The following CPE variants were observed in gnomAD, a reference collection of about 807,000 sequenced individuals.
CPE encodes carbocypeptidase E.
In CPE, 17 loss-of-function variants were observed where a neutral mutation model predicts 53.5. The observed-to-expected ratio is 0.32, with a 90% CI of 0.22 to 0.48. The LOEUF (loss-of-function observed/expected upper bound fraction) is 0.48, where lower values mean the gene tolerates loss of function less well. Ranked by LOEUF, CPE falls within the 20% of genes least tolerant of loss-of-function variation. CPE has a pLI of 0.99. For synonymous variants in CPE, 226 were observed against 228.8 expected, an observed-to-expected ratio of 0.99 and a Z score of 0.11; for missense variants, 524 against 614.7, an observed-to-expected ratio of 0.85 and a Z score of 1.56.
chr4:165,469,555 T>C (rs572471635), intron 3 of CPE, among the ~76,000 whole-genome samples: 1 of 152,322 alleles, frequency 6.6e-6, no homozygotes, highest in Non-Finnish European at 1.5e-5. Context: ...AATTCTCTTG[T>C]CTTTCCTTCC....
intron 1 of CPE, among the ~76,000 whole-genome samples, chr4:165,423,249 G>A (rs1731256979): frequency 6.6e-6 from 1 of 152,126 alleles, no homozygotes; most frequent in South Asian, 2.1e-4. Context: ...ATCGTTTTTA[G>A]GAATAGAATG....
intron 5 of CPE, among the ~76,000 whole-genome samples, chr4:165,486,780 T>TG (rs1420345079): frequency 6.6e-6 from 1 of 152,200 alleles, no homozygotes; most frequent in Non-Finnish European, 1.5e-5. Flanking sequence ...CTGTCCCCTT[T>TG]GGTTTATGTG....
At chr4:165,441,143 C>A (rs572050372) in intron 1 of CPE, among the ~76,000 whole-genome samples, 1 of 152,158 alleles carries the variant, frequency 6.6e-6, no homozygotes, top group East Asian at 1.9e-4. Flanking sequence ...CAGGATGGCC[C>A]CATTTATGAC....
At chr4:165,393,814 C>T (rs955035785) in intron 1 of CPE, among the ~76,000 whole-genome samples, 1 of 152,040 alleles carries the variant, frequency 6.6e-6, no homozygotes, top group Admixed American at 6.6e-5. Context: ...ATGGGTGTGC[C>T]GGAGGCGGAT....
At chr4:165,388,816 A>G (rs1730638101) in intron 1 of CPE, among the ~76,000 whole-genome samples, 1 of 148,680 alleles carries the variant, frequency 6.7e-6, no homozygotes, top group African/African-American at 2.5e-5. Context: ...AAAGTACAAC[A>G]GTCCTATTCA....
chr4:165,412,639 A>G (rs777022779), intron 1 of CPE, among the ~76,000 whole-genome samples: 2 of 152,226 alleles, frequency 1.3e-5, no homozygotes, highest in Non-Finnish European at 1.5e-5. Flanking sequence ...GGCACCACTC[A>G]GTCCTGTCTC....
chr4:165,493,592 G>A (rs781536222), intron 7 of CPE, among the ~76,000 whole-genome samples: 1 of 152,192 alleles, frequency 6.6e-6, no homozygotes, highest in Non-Finnish European at 1.5e-5. Flanking sequence ...AGCTGCTGGA[G>A]TTAAAATACC....
At chr4:165,427,867 T>C (rs904735558) in intron 1 of CPE, among the ~76,000 whole-genome samples, 2 of 137,588 alleles carry the variant, frequency 1.5e-5, no homozygotes, top group Non-Finnish European at 3.2e-5. Flanking sequence ...TTAATTTAGA[T>C]GTAATTTCTT....
chr4:165,398,954 C>A (rs2126660004), intron 1 of CPE, among the ~76,000 whole-genome samples: 1 of 152,268 alleles, frequency 6.6e-6, no homozygotes, highest in East Asian at 1.9e-4. Flanking sequence ...CTAAGAAGTT[C>A]CACTTCAAAT....
chr4:165,402,847 G>A (rs979704738), intron 1 of CPE, among the ~76,000 whole-genome samples: 3 of 152,178 alleles, frequency 2.0e-5, no homozygotes, highest in Non-Finnish European at 4.4e-5. Flanking sequence ...CTCCCCCGAA[G>A]AGGAGTCAAT....
At chr4:165,484,707 C>A in intron 5 of CPE, 103 bp downstream of exon 5, 1 of 1,112,058 alleles carries the variant, frequency 9.0e-7, no homozygotes, top group Non-Finnish European at 1.3e-6. Context: ...CAATCGTCCT[C>A]CATCATTAAA....
At position 165,379,586 on chromosome 4, in the gene CPE, TGGGACTGGTGGCGGTGGGGGAAGGAGGGA is replaced by T; in HGVS notation, c.307+63_307+91del. ...CATCCCGGAGGGGGGCGGCAGAGGGTGGGACTGGTGGCGGTGGGGGAAGGAGGGAGGGATGGGCCCAGGGGTGCCTCTTG... is the reference window on the plus strand; with the variant it reads ...CATCCCGGAGGGGGGCGGCAGAGGGTGGGATGGGCCCAGGGGTGCCTCTTG... On this transcript the variant is annotated intron_variant, in intron 1 of 8. Transcript: ENST00000402744. The surrounding 1 kb of genome is among the most constrained non-coding windows in gnomAD (Gnocchi z 6.0). 1 of 749,414 alleles carries T rather than the reference TGGGACTGGTGGCGGTGGGGGAAGGAGGGA, an allele frequency of 1.3e-6. No homozygotes were observed. The highest frequency in any genetic ancestry group is 1.7e-6 in the Non-Finnish European group (1 of 572,616). 46.4% of individuals were successfully genotyped at this position (749,414 alleles called of 1,614,324 possible).
intron 1 of CPE, among the ~76,000 whole-genome samples, chr4:165,393,281 G>C (rs1730713772): frequency 1.3e-5 from 2 of 152,174 alleles, no homozygotes; most frequent in South Asian, 4.1e-4. Context: ...AGCTGCATTT[G>C]TCTAACACTT....
At chr4:165,391,614 A>C (rs1347543040) in intron 1 of CPE, among the ~76,000 whole-genome samples, 2 of 152,128 alleles carry the variant, frequency 1.3e-5, no homozygotes, top group Non-Finnish European at 2.9e-5. Context: ...TTGGAAATCA[A>C]ACTCTGAGTA....
At chr4:165,461,542 A>G (rs1004030633) in intron 1 of CPE, among the ~76,000 whole-genome samples, 2 of 152,110 alleles carry the variant, frequency 1.3e-5, no homozygotes, top group Non-Finnish European at 2.9e-5. Flanking sequence ...CTTGGGAGGG[A>G]AAAGAGCTGG....
At chr4:165,423,696 G>A (rs1196652875) in intron 1 of CPE, among the ~76,000 whole-genome samples, 2 of 151,356 alleles carry the variant, frequency 1.3e-5, no homozygotes, top group Non-Finnish European at 2.9e-5. Context: ...ACAATGTGCA[G>A]GTTAGTTACA....
At chr4:165,455,877 T>C (rs1187109849) in intron 1 of CPE, among the ~76,000 whole-genome samples, 1 of 152,192 alleles carries the variant, frequency 6.6e-6, no homozygotes, top group Non-Finnish European at 1.5e-5. Context: ...GGTGTGGAAC[T>C]CCTGACCTCA....
chr4:165,475,170 CT>C, intron 3 of CPE, among the ~76,000 whole-genome samples: 1 of 152,252 alleles, frequency 6.6e-6, no homozygotes, highest in Admixed American at 6.5e-5. Context: ...ATTTTCCCTC[CT>C]TTCAAAGGAG....
At position 165,459,141 on chromosome 4, in the gene CPE, T is replaced by G. The variant is rs188448901; in HGVS notation, c.308-5249T>G. On this transcript the variant is annotated intron_variant, in intron 1 of 8. Transcript: ENST00000402744. The stretch of plus-strand genomic sequence containing the variant: ...AAGAGACTTCTTTCTTTAAAGCTGC[T>G]TTTTTACTGATTTAGTTATTTCAAA... Among the ~76,000 whole-genome samples, 155 of 152,352 alleles carry G rather than the reference T, an allele frequency of 1.0e-3. 1 individual carries two copies. The highest frequency in any genetic ancestry group is 7.4e-3 in the Admixed American group (114 of 15,304).
Sources: gnomAD v4.1 joint callset for allele counts (sites outside exome capture counted in the v4.1 genomes callset) on GRCh38, gnomAD v4.1.1 for gene constraint, Gnocchi (gnomAD v3.1) non-coding constraint, MANE v1.5 for transcripts, NCBI Gene and HGNC (gene_info 2026-07-23, HGNC 2026-07-21) for gene names.